Variants in PRELID2 observed in about 807,000 individuals in gnomAD.
PRELID2 encodes the protein PRELI domain containing 2, also known as PRELI domain-containing protein 2.
Under a neutral mutation model 28.4 loss-of-function variants are expected in PRELID2, and 25 were observed. The ratio of observed to expected loss-of-function variants is 0.88; its 90% CI spans 0.64 to 1.23. PRELID2 has a LOEUF of 1.23. Among genes scored for constraint, PRELID2 ranks in the 50% most tolerant of loss-of-function variants. PRELID2 has a pLI of 0.00. For missense variants in PRELID2, 201 were observed against 214.4 expected (o/e 0.94, Z 0.39); for synonymous variants, 76 against 71.6 (o/e 1.06, Z -0.31).
At chr5:145,380,014 T>C in the PRELID2 span, among the ~76,000 whole-genome samples, 5 of 152,160 alleles carry the variant, frequency 3.3e-5, no homozygotes, top group African/African-American at 1.2e-4. Flanking sequence ...AACAAGTCAA[T>C]GCTAGGGGGA....
chr5:145,666,694 G>A (rs1418216929), intron 1 of PRELID2, among the ~76,000 whole-genome samples: 1 of 152,054 alleles, frequency 6.6e-6, no homozygotes, highest in South Asian at 2.1e-4. Context: ...GTTATTAATT[G>A]TCTGTGTTTA....
chr5:145,751,105 A>G (rs769316109), intron 1 of PRELID2, among the ~76,000 whole-genome samples: 2 of 152,210 alleles, frequency 1.3e-5, no homozygotes, highest in Non-Finnish European at 2.9e-5. Flanking sequence ...TCCCAAACAC[A>G]TACACTACAG....
In PRELID2 at chr5:145,609,182, A is replaced by G. The variant is rs117149867; in HGVS notation, n.71-135867T>C. Among the ~76,000 whole-genome samples, 77 of 152,212 alleles carry G rather than the reference A, an allele frequency of 5.1e-4. No individual in the cohort carries two copies. In the East Asian group the frequency reaches 0.013, roughly 25 times the overall value. ...CGTGTCCTTTTGTAGTCTTCCTTAG[A>G]GTCCTTGCTTTGGGTTTCGACTTTC... On this transcript the variant is annotated intron_variant and non_coding_transcript_variant, in intron 1 of 2. Coordinates refer to the PRELID2 transcript ENST00000510259.
the PRELID2 span, among the ~76,000 whole-genome samples, chr5:145,427,679 T>C: frequency 6.7e-6 from 1 of 149,782 alleles, no homozygotes; most frequent in African/African-American, 2.4e-5. Flanking sequence ...GTTTATAATC[T>C]ATGAAAACAA....
intron 1 of PRELID2, among the ~76,000 whole-genome samples, chr5:145,544,188 C>T (rs1013337720): frequency 8.6e-5 from 13 of 151,994 alleles, no homozygotes; most frequent in Non-Finnish European, 1.5e-4. Context: ...AGTTCACGCC[C>T]ATGTCCACTA....
the PRELID2 span, among the ~76,000 whole-genome samples, chr5:145,358,126 C>A: frequency 6.6e-6 from 1 of 152,084 alleles, no homozygotes; most frequent in Non-Finnish European, 1.5e-5. Context: ...CAGGCCATAT[C>A]CTTGCTGAGT....
Position 145,522,819 on chromosome 5 carries a change from G to A in PRELID2, n.71-49504C>T, listed in dbSNP as rs373044213. On this transcript the variant is annotated intron_variant and non_coding_transcript_variant, in intron 1 of 2. Transcript: ENST00000510259. ...AGGAGGAGGATGAGAGGGGGAGGAG[G>A]AGTAGGAGAAGAAGAAGGAGGAGGA... Among the ~76,000 whole-genome samples, 12 of 151,602 alleles carry A rather than the reference G, an allele frequency of 7.9e-5. No homozygotes were observed. The East Asian group carries it at 1.7e-3, about 22-fold the overall frequency.
chr5:145,403,491 A>T, the PRELID2 span, among the ~76,000 whole-genome samples: 2 of 152,150 alleles, frequency 1.3e-5, no homozygotes, highest in African/African-American at 4.8e-5. Context: ...CCTGGTTCGG[A>T]GGTCTCCCCA....
At chr5:145,581,002 A>G (rs1223637302) in intron 1 of PRELID2, among the ~76,000 whole-genome samples, 2 of 151,672 alleles carry the variant, frequency 1.3e-5, no homozygotes, top group Admixed American at 1.3e-4. Flanking sequence ...CACCTACCTC[A>G]CCTACTTTGT....
In PRELID2 at chr5:145,503,522, ACTGCCCT is replaced by A. The variant is rs1752378009; in HGVS notation, n.71-30214_71-30208del. On this transcript the variant is annotated intron_variant and non_coding_transcript_variant, in intron 1 of 2. Transcript: ENST00000510259. ...ATTTTCTACGCATTTCCTCCTCCAA[ACTGCCCT>A]ATGAAAAAAATCACTATTATCATTT... is the stretch of plus-strand genomic sequence containing the variant. Among the ~76,000 whole-genome samples, 3 of 145,924 alleles carry A rather than the reference ACTGCCCT, an allele frequency of 2.1e-5. No individual in the cohort carries two copies. The South Asian group carries it at 7.2e-4, about 35-fold the overall frequency.
chr5:145,365,126 T>C, the PRELID2 span, among the ~76,000 whole-genome samples: 1 of 151,770 alleles, frequency 6.6e-6, no homozygotes, highest in Non-Finnish European at 1.5e-5. Flanking sequence ...AATGGGGAAA[T>C]GGAGATGGAG....
chr5:145,538,359 A>AT (rs1288430850), intron 1 of PRELID2, among the ~76,000 whole-genome samples: 1 of 151,892 alleles, frequency 6.6e-6, no homozygotes, highest in African/African-American at 2.4e-5. Context: ...AAATTTTATG[A>AT]TTTTAAAAAA....
chr5:145,773,111 T>C (rs967633255), intron 5 of PRELID2, among the ~76,000 whole-genome samples: 2 of 152,236 alleles, frequency 1.3e-5, no homozygotes, highest in African/African-American at 4.8e-5. Flanking sequence ...AAAGAGAATA[T>C]TTAATTTTCA....
At chr5:145,481,065 T>G (rs2126616748) in intron 1 of PRELID2, among the ~76,000 whole-genome samples, 1 of 152,232 alleles carries the variant, frequency 6.6e-6, no homozygotes, top group South Asian at 2.1e-4. Flanking sequence ...AAGGCAGAAG[T>G]TACATTATTT....
chr5:145,694,182 C>T (rs767632346), intron 1 of PRELID2, among the ~76,000 whole-genome samples: 3 of 152,082 alleles, frequency 2.0e-5, no homozygotes, highest in Non-Finnish European at 4.4e-5. Context: ...ATAGTAAGTG[C>T]AACAAAACTT....
At chr5:145,423,435 C>CT in the PRELID2 span, among the ~76,000 whole-genome samples, 1 of 152,122 alleles carries the variant, frequency 6.6e-6, no homozygotes, top group Non-Finnish European at 1.5e-5. Context: ...TTGCTCATTT[C>CT]TTTTTATTCT....
At chr5:145,293,222 A>G in the PRELID2 span, among the ~76,000 whole-genome samples, 91 of 152,308 alleles carry the variant, frequency 6.0e-4, no homozygotes, top group African/African-American at 2.2e-3. Flanking sequence ...TTGTCCCCAC[A>G]TACATTTGAG....
chr5:145,377,698 G>A, the PRELID2 span, among the ~76,000 whole-genome samples: 2 of 151,762 alleles, frequency 1.3e-5, no homozygotes, highest in African/African-American at 4.8e-5. Context: ...CCGTTTTCTT[G>A]GTAAATTTTT....
the PRELID2 span, among the ~76,000 whole-genome samples, chr5:145,408,464 AAT>A: frequency 0.012 from 1,705 of 146,432 alleles, 26 homozygotes; most frequent in African/African-American, 0.039. Context: ...ATATATGTAT[AAT>A]ATATATATGT....
Sources: allele counts gnomAD v4.1 joint callset (sites outside exome capture counted in the v4.1 genomes callset), GRCh38; gene constraint gnomAD v4.1.1; transcripts MANE v1.5; gene names NCBI Gene and HGNC (gene_info 2026-07-23, HGNC 2026-07-21).